Variants in MORC1 observed in about 807,000 individuals in gnomAD.
MORC1 encodes MORC family CW-type zinc finger 1.
In MORC1, 59 loss-of-function variants were observed where a neutral mutation model predicts 134.9. The ratio of observed to expected loss-of-function variants is 0.44; its 90% CI spans 0.35 to 0.54. The LOEUF is 0.54. Among genes scored for constraint, MORC1 ranks in the 20% least tolerant of loss-of-function variants. MORC1 has a pLI of 0.00. For synonymous variants in MORC1, 395 were observed against 391.7 expected (o/e 1.01, Z -0.10); for missense variants, 947 against 1,134.5 (o/e 0.83, Z 2.37).
chr3:109,118,049 C>T lies in MORC1; in HGVS notation c.11G>A (p.Arg4Lys). 4 of 1,609,334 alleles carry T rather than the reference C, an allele frequency of 2.5e-6. No individual in the cohort carries two copies. Among genetic ancestry groups the T allele is most frequent in the Non-Finnish European group, 3.4e-6 (4 of 1,178,210 alleles). ...CTGGGCCCGCTGAAGCGCAGGGTAC[C>T]TGTCGTCCATGCCCTCGAACACGAC... MDDRYPALQRAQLR... is the reference protein window; with the variant it reads MDDKYPALQRAQLR... The change falls in exon 1 of 28, where the codon AGG (arginine) becomes AAG (lysine). Residue 4 changes from arginine (R) to lysine (K), a missense_variant. Around this residue, in one of 3 missense-constraint regions of MORC1, gnomAD observed 214 missense variants for 281.3 expected, o/e 0.76. Transcript: ENST00000232603.
chr3:109,035,096 T>C (rs1229691666), intron 15 of MORC1, among the ~76,000 whole-genome samples: 1 of 152,160 alleles, frequency 6.6e-6, no homozygotes, highest in African/African-American at 2.4e-5. Flanking sequence ...TCATAGAATC[T>C]TGCCTCTACT....
At position 109,114,438 on chromosome 3, in the gene MORC1, C is replaced by T; in HGVS notation, c.66-1G>A. The T allele has an allele frequency of 6.2e-7, 1 of 1,612,330 alleles. No individual in the cohort carries two copies. Among genetic ancestry groups the T allele is most frequent in the Non-Finnish European group, 8.5e-7 (1 of 1,178,944 alleles). On this transcript the variant is annotated splice_acceptor_variant, in intron 1 of 27. Coordinates refer to ENST00000232603, the MANE Select transcript of MORC1 (RefSeq NM_014429.4). LOFTEE classifies it high-confidence loss of function. Reference sequence around the variant, plus strand: ...TCCAAAAAGGAAACTGTGAGTGGTGCTGATGAAGAAATAAAGAGAAAACAA... The same window carrying T: ...TCCAAAAAGGAAACTGTGAGTGGTGTTGATGAAGAAATAAAGAGAAAACAA...
chr3:109,058,123 G>C (rs1950000878), intron 12 of MORC1, among the ~76,000 whole-genome samples: 2 of 152,130 alleles, frequency 1.3e-5, no homozygotes, highest in East Asian at 3.9e-4. Context: ...GCTATGGTAA[G>C]GAGTTATGAT....
intron 17 of MORC1, among the ~76,000 whole-genome samples, chr3:109,025,388 T>TC (rs1949051929): frequency 1.1e-5 from 1 of 88,436 alleles, no homozygotes; most frequent in Non-Finnish European, 2.7e-5. Flanking sequence ...TCTTTTTTTT[T>TC]TTTTTTTTTT....
intron 5 of MORC1, among the ~76,000 whole-genome samples, chr3:109,100,176 GA>G (rs1166186887): frequency 6.6e-6 from 1 of 152,064 alleles, no homozygotes; most frequent in Non-Finnish European, 1.5e-5. Context: ...CCAGGAGGCG[GA>G]GGTTGCAGTG....
At chr3:109,089,728 C>T (rs947253864) in intron 8 of MORC1, among the ~76,000 whole-genome samples, 4 of 152,112 alleles carry the variant, frequency 2.6e-5, no homozygotes, top group Non-Finnish European at 5.9e-5. Context: ...GTAAACACAC[C>T]TAGCCCAGCC....
chr3:108,986,086 T>C (rs1377753836), intron 22 of MORC1, among the ~76,000 whole-genome samples: 2 of 151,996 alleles, frequency 1.3e-5, no homozygotes, highest in Non-Finnish European at 2.9e-5. Flanking sequence ...AAGAAAAGGA[T>C]TGGGAATGAT....
intron 21 of MORC1, among the ~76,000 whole-genome samples, chr3:108,998,885 T>A (rs1286911909): frequency 6.6e-6 from 1 of 152,162 alleles, no homozygotes; most frequent in African/African-American, 2.4e-5. Context: ...AACTATTACC[T>A]AAAAAGACAA....
chr3:109,003,398 C>A (rs1169689711), intron 20 of MORC1, among the ~76,000 whole-genome samples: 2 of 87,292 alleles, frequency 2.3e-5, no homozygotes, highest in African/African-American at 4.3e-5. Context: ...TATGCACACA[C>A]ACACACACAC....
intron 26 of MORC1, among the ~76,000 whole-genome samples, chr3:108,965,341 G>A (rs2107364464): frequency 1.3e-5 from 2 of 152,258 alleles, no homozygotes; most frequent in Middle Eastern, 6.8e-3. Context: ...AAAGGAACCT[G>A]CTATTGACAC....
intron 17 of MORC1, among the ~76,000 whole-genome samples, chr3:109,025,515 G>A (rs1300725893): frequency 6.6e-6 from 1 of 150,486 alleles, no homozygotes; most frequent in Admixed American, 6.7e-5. Flanking sequence ...TGAAGTAGCT[G>A]GGATTACAGG....
chr3:109,054,895 A>G lies in MORC1; in HGVS notation c.1176-13T>C, dbSNP rs1403646041. 4 of 1,580,496 alleles carry G rather than the reference A, an allele frequency of 2.5e-6. No individual in the cohort carries two copies. The highest frequency in any genetic ancestry group is 3.4e-6 in the Non-Finnish European group (4 of 1,171,046). On this transcript the variant is annotated splice_polypyrimidine_tract_variant and intron_variant, in intron 13 of 27. Transcript: ENST00000232603. ...GCCTGCGCCAAGTCTGAGAAAATAT[A>G]TGCATATTTAAATTTTGAAAATTTG...
intron 17 of MORC1, among the ~76,000 whole-genome samples, chr3:109,020,124 A>C (rs1948920228): frequency 1.3e-5 from 2 of 152,210 alleles, no homozygotes; most frequent in East Asian, 3.8e-4. Flanking sequence ...AAGGGATCCC[A>C]AAAATTGTAT....
chr3:109,112,156 G>A (rs1294967152), intron 2 of MORC1, among the ~76,000 whole-genome samples: 1 of 152,086 alleles, frequency 6.6e-6, no homozygotes, highest in Non-Finnish European at 1.5e-5. Flanking sequence ...ACGGATTAAG[G>A]CATAAAATAA....
intron 24 of MORC1, 83 bp from the exon 25 acceptor site, chr3:108,971,485 T>A: frequency 8.4e-7 from 1 of 1,185,556 alleles, no homozygotes; most frequent in Non-Finnish European, 1.2e-6. Context: ...GTTTGTCTCC[T>A]GGGTATTAAA....
chr3:109,007,941 A>ATGTGTGTGTGTGTGTGTGTG (rs113629397), intron 17 of MORC1, among the ~76,000 whole-genome samples: 1 of 149,512 alleles, frequency 6.7e-6, no homozygotes, highest in Non-Finnish European at 1.5e-5. Context: ...GCACATATAT[A>ATGTGTGTGTGTGTGTGTGTG]TGTGTGTGTG....
intron 14 of MORC1, among the ~76,000 whole-genome samples, chr3:109,042,581 A>G (rs572408794): frequency 1.9e-4 from 29 of 152,232 alleles, no homozygotes; most frequent in Non-Finnish European, 3.4e-4. Context: ...TCTTCTGTAT[A>G]TTTATCCAAA....
intron 24 of MORC1, among the ~76,000 whole-genome samples, chr3:108,976,669 G>C (rs1375978136): frequency 2.6e-5 from 4 of 152,082 alleles, no homozygotes; most frequent in African/African-American, 9.7e-5. Context: ...TTTTATCATA[G>C]AATATTTTTA....
intron 8 of MORC1, among the ~76,000 whole-genome samples, chr3:109,077,264 T>G (rs529019686): frequency 6.6e-6 from 1 of 152,076 alleles, no homozygotes; most frequent in African/African-American, 2.4e-5. Flanking sequence ...GCAAATTGAC[T>G]AATAAATCCA....
Sources: allele counts gnomAD v4.1 joint callset (sites outside exome capture counted in the v4.1 genomes callset), GRCh38; gene constraint gnomAD v4.1.1; regional missense constraint gnomAD v4.1.1; transcripts MANE v1.5; gene names NCBI Gene and HGNC (gene_info 2026-07-23, HGNC 2026-07-21).